Variants in GTF2I observed in about 807,000 individuals in gnomAD.
GTF2I encodes general transcription factor II-I.
A neutral mutation model predicts 67.6 loss-of-function variants in GTF2I; 12 were observed. The ratio of observed to expected loss-of-function variants is 0.18; its 90% confidence interval spans 0.11 to 0.29. GTF2I has a LOEUF of 0.29. GTF2I is among the 10% of genes least tolerant of loss of function. GTF2I has a pLI of 1.00. For missense variants in GTF2I, 271 were observed against 580.1 expected (o/e 0.47, Z 5.47); for synonymous variants, 149 against 197.0 (o/e 0.76, Z 2.04).
chr7:74,665,099 C>T (rs1024991982), intron 1 of GTF2I, among the ~76,000 whole-genome samples: 3 of 151,962 alleles, frequency 2.0e-5, no homozygotes, highest in Non-Finnish European at 2.9e-5. Flanking sequence ...GCCACCACCA[C>T]GCCTGGCTAA....
intron 6 of GTF2I, 71 bp from the exon 7 acceptor site, chr7:74,705,093 T>C: frequency 1.1e-6 from 1 of 923,964 alleles, no homozygotes; most frequent in Non-Finnish European, 1.8e-6. Context: ...TAATTCTATA[T>C]TTAAAGCCTT....
intron 3 of GTF2I, among the ~76,000 whole-genome samples, chr7:74,691,740 G>T (rs1339207589): frequency 1.3e-5 from 2 of 151,898 alleles, no homozygotes; most frequent in African/African-American, 4.8e-5. Flanking sequence ...ATTTTGAATA[G>T]GTTAAAACTT....
At chr7:74,661,486 C>G (rs1554386541) in intron 1 of GTF2I, among the ~76,000 whole-genome samples, 1 of 152,054 alleles carries the variant, frequency 6.6e-6, no homozygotes, top group Non-Finnish European at 1.5e-5. Context: ...TGGAGACCAG[C>G]CTGCCGACAT....
At chr7:74,721,482 T>A (rs1792983482) in intron 12 of GTF2I, among the ~76,000 whole-genome samples, 1 of 152,266 alleles carries the variant, frequency 6.6e-6, no homozygotes, top group South Asian at 2.1e-4. Context: ...AGTAATCCTT[T>A]TAAAAGGTAG....
intron 12 of GTF2I, chr7:74,727,362 C>CG (rs1272946233): frequency 6.6e-6 from 1 of 152,144 alleles, no homozygotes; most frequent in Non-Finnish European, 1.5e-5. Flanking sequence ...AGTGCTGCCC[C>CG]GGGCAACATC....
intron 1 of GTF2I, among the ~76,000 whole-genome samples, chr7:74,666,459 G>A (rs1456085455): frequency 2.6e-5 from 4 of 152,134 alleles, no homozygotes; most frequent in Non-Finnish European, 5.9e-5. Context: ...AAAGGGCAGA[G>A]AAATAGACCC....
intron 3 of GTF2I, among the ~76,000 whole-genome samples, chr7:74,698,451 G>A (rs1554398961): frequency 7.3e-6 from 1 of 137,648 alleles, no homozygotes; most frequent in African/African-American, 2.8e-5. Context: ...CATCACCCAG[G>A]CTGGAGTGCT....
intron 3 of GTF2I, among the ~76,000 whole-genome samples, chr7:74,692,418 C>G (rs1160931530): frequency 6.6e-6 from 1 of 152,144 alleles, no homozygotes; most frequent in African/African-American, 2.4e-5. Flanking sequence ...ACCAGTGATT[C>G]ACTGTGCAAG....
At position 74,680,458 on chromosome 7, in the gene GTF2I, T is replaced by C. The variant is rs1016117125; in HGVS notation, c.-5-8666T>C. ...TCACTCACTATAAAATATTTTTTTTTGTCTGGGTGCAGTGGCTTATGCTTT... is the reference window on the plus strand; with the variant it reads ...TCACTCACTATAAAATATTTTTTTTCGTCTGGGTGCAGTGGCTTATGCTTT... On this transcript the variant is annotated intron_variant, in intron 1 of 34. Transcript: ENST00000573035. 2.0e-5 allele frequency among the ~76,000 whole-genome samples: 3 copies of C among 152,040 alleles called. No homozygotes were observed. The Admixed American group carries it at 2.0e-4, about 10-fold the overall frequency.
At chr7:74,715,190 T>C (rs968972895) in intron 10 of GTF2I, among the ~76,000 whole-genome samples, 1 of 152,072 alleles carries the variant, frequency 6.6e-6, no homozygotes, top group Non-Finnish European at 1.5e-5. Context: ...TTATACCTTA[T>C]CTCAGAACAG....
At chr7:74,701,868 C>CT (rs1554399964) in intron 6 of GTF2I, among the ~76,000 whole-genome samples, 6 of 152,192 alleles carry the variant, frequency 3.9e-5, no homozygotes, top group Non-Finnish European at 8.8e-5. Context: ...TTTTGGGATG[C>CT]TTTCATCGTC....
chr7:74,708,415 C>T (rs1791064342), intron 8 of GTF2I, among the ~76,000 whole-genome samples: 1 of 152,090 alleles, frequency 6.6e-6, no homozygotes, highest in Non-Finnish European at 1.5e-5. Context: ...CAGTGGCTGC[C>T]ACCCCATCAG....
At chr7:74,697,222 CTG>C (rs1789013765) in intron 3 of GTF2I, among the ~76,000 whole-genome samples, 1 of 152,096 alleles carries the variant, frequency 6.6e-6, no homozygotes, top group African/African-American at 2.4e-5. Context: ...TGGTGAAACC[CTG>C]TCTCTACTAA....
intron 1 of GTF2I, among the ~76,000 whole-genome samples, chr7:74,663,353 T>C (rs1278079963): frequency 2.0e-5 from 3 of 152,158 alleles, no homozygotes; most frequent in Non-Finnish European, 4.4e-5. Flanking sequence ...TGGTGCCATC[T>C]CAGCTCTCTG....
Position 74,695,438 on chromosome 7 carries a change from A to T in GTF2I, c.239-3523A>T, listed in dbSNP as rs1788792046. On this transcript the variant is annotated intron_variant, in intron 3 of 34. Transcript: ENST00000573035. ...GAAACCAAAACATCTGTGTGACTTTACTTTATACTTGTATTATTGTGGTGA... is the reference window on the plus strand; with the variant it reads ...GAAACCAAAACATCTGTGTGACTTTTCTTTATACTTGTATTATTGTGGTGA... 1.3e-5 allele frequency among the ~76,000 whole-genome samples: 2 copies of T among 152,160 alleles called. 1 individual carries two copies. Among genetic ancestry groups the T allele is most frequent in the South Asian group, 4.1e-4 (2 of 4,834 alleles).
chr7:74,697,602 A>G (rs1789062452), intron 3 of GTF2I, among the ~76,000 whole-genome samples: 1 of 152,130 alleles, frequency 6.6e-6, no homozygotes, highest in Non-Finnish European at 1.5e-5. Flanking sequence ...ATTTGTAACC[A>G]ATACAAATTT....
At chr7:74,688,497 C>T (rs1554396022) in intron 1 of GTF2I, among the ~76,000 whole-genome samples, 2 of 152,136 alleles carry the variant, frequency 1.3e-5, no homozygotes, top group African/African-American at 4.8e-5. Context: ...GCTCTTGTCA[C>T]CCAGACTGGA....
chr7:74,680,101 TA>T (rs1187622636), intron 1 of GTF2I, among the ~76,000 whole-genome samples: 1 of 93,924 alleles, frequency 1.1e-5, no homozygotes, highest in Non-Finnish European at 1.9e-5. Context: ...AAAAAAAAAA[TA>T]TATATATATA....
At chr7:74,724,893 A>C (rs1554405382) in intron 12 of GTF2I, among the ~76,000 whole-genome samples, 1 of 152,110 alleles carries the variant, frequency 6.6e-6, no homozygotes. Flanking sequence ...TGCCCACTGC[A>C]CTCCCAGCCT....
Sources: allele counts gnomAD v4.1 joint callset (sites outside exome capture counted in the v4.1 genomes callset), GRCh38; gene constraint gnomAD v4.1.1; transcripts MANE v1.5; gene names NCBI Gene and HGNC (gene_info 2026-07-23, HGNC 2026-07-21).